The following OVCH2 variants were observed in gnomAD, a reference collection of about 807,000 sequenced individuals.
OVCH2 encodes the protein ovochymase-2.
In OVCH2, 88 loss-of-function variants were observed where a neutral mutation model predicts 73.7. The ratio of observed to expected loss-of-function variants is 1.19; its 90% CI spans 1.01 to 1.43. The LOEUF (loss-of-function observed/expected upper bound fraction) is 1.43. OVCH2 is among the 40% of genes most tolerant of loss of function. OVCH2 has a pLI of 0.00. For missense variants in OVCH2, 706 were observed against 674.5 expected (o/e 1.05, Z -0.52); for synonymous variants, 265 against 234.5 (o/e 1.13, Z -1.19).
At chr11:7,698,180 G>A (rs767032851) in intron 8 of OVCH2, among the ~76,000 whole-genome samples, 13 of 152,104 alleles carry the variant, frequency 8.5e-5, no homozygotes, top group Non-Finnish European at 1.5e-4. Flanking sequence ...GAGTTTATTT[G>A]TTTTCAGCTA....
In OVCH2 at chr11:7,696,906, A is replaced by T. The variant is rs1856347648; in HGVS notation, c.926-107T>A. Reference sequence around the variant, plus strand: ...ATAGCCTCCTGGTTCTTCTTGATGTACTCTTCGTTCTTCATGAAATCTTCT... The same window carrying T: ...ATAGCCTCCTGGTTCTTCTTGATGTTCTCTTCGTTCTTCATGAAATCTTCT... On this transcript the variant is annotated intron_variant, in intron 8 of 15. Coordinates refer to ENST00000533663, the MANE Select transcript of OVCH2 (RefSeq NM_198185.7). 10 of 1,006,300 alleles carry T rather than the reference A, an allele frequency of 9.9e-6. No homozygotes were observed. The South Asian group carries it at 1.5e-4, about 15-fold the overall frequency. 62.3% of individuals were successfully genotyped at this position (1,006,300 alleles called of 1,614,324 possible).
intron 9 of OVCH2, 33 bp from the exon 10 acceptor site, chr11:7,696,622 T>C: frequency 6.2e-7 from 1 of 1,613,982 alleles, no homozygotes; most frequent in Non-Finnish European, 8.5e-7. Context: ...GCGTTATTTC[T>C]AGACAGAAAA....
chr11:7,686,937 C>T (rs563904891), downstream of OVCH2, among the ~76,000 whole-genome samples: 3 of 152,250 alleles, frequency 2.0e-5, no homozygotes, highest in African/African-American at 7.2e-5. Context: ...AGCTGGAGAG[C>T]TCACCCAGCA....
chr11:7,700,214 C>A lies in OVCH2; in HGVS notation c.901+82G>T. The A allele has an allele frequency of 2.1e-5, 29 of 1,395,822 alleles. No individual in the cohort carries two copies. The South Asian group carries it at 3.9e-4, about 19-fold the overall frequency. 86.5% of individuals were successfully genotyped at this position (1,395,822 alleles called of 1,614,324 possible). A position where few individuals can be genotyped will look rare whatever the true frequency, so the allele number is the denominator to read the frequency against. On this transcript the variant is annotated intron_variant, in intron 7 of 15. Coordinates refer to ENST00000533663, the MANE Select transcript of OVCH2 (RefSeq NM_198185.7). ...GGTAGAGCCTGTTGGTTCAGGTGCT[C>A]TGATTTGCCAGGACTCTGCTGATGC...
intron 7 of OVCH2, 36 bp downstream of exon 7, chr11:7,700,260 T>A: frequency 6.2e-7 from 1 of 1,600,256 alleles, no homozygotes; most frequent in Non-Finnish European, 8.5e-7. Context: ...CCTAGCAGAA[T>A]GGCAGCTTCT....
chr11:7,694,912 T>C, intron 12 of OVCH2, 146 bp downstream of exon 12: 3 of 913,462 alleles, frequency 3.3e-6, no homozygotes, highest in East Asian at 2.9e-5. Context: ...CAAGTATTTA[T>C]TGACAGCTTT....
intron 13 of OVCH2, 49 bp downstream of exon 13, chr11:7,691,853 C>A: frequency 7.0e-7 from 1 of 1,423,042 alleles, no homozygotes; most frequent in African/African-American, 1.4e-5. Flanking sequence ...CATCTCAAGA[C>A]TGGGTCCAAA....
intron 11 of OVCH2, 130 bp downstream of exon 11, chr11:7,695,440 C>T (rs1856311079): frequency 4.0e-6 from 4 of 1,010,004 alleles, no homozygotes; most frequent in East Asian, 2.6e-5. Context: ...TCTAGTTGGC[C>T]TGTGCCCCTC....
At chr11:7,690,470 A>G (rs1321433615) in intron 14 of OVCH2, among the ~76,000 whole-genome samples, 2 of 150,622 alleles carry the variant, frequency 1.3e-5, no homozygotes, top group African/African-American at 2.4e-5. Context: ...GAAAAAAATG[A>G]GTCTGAGGTG....
downstream of OVCH2, among the ~76,000 whole-genome samples, chr11:7,684,686 G>T (rs576368194): frequency 6.6e-6 from 1 of 152,178 alleles, no homozygotes; most frequent in East Asian, 1.9e-4. Context: ...TAATTCTCTT[G>T]TGTGATAGGC....
At chr11:7,685,097 G>T (rs983348054), downstream of OVCH2, among the ~76,000 whole-genome samples, 1 of 152,202 alleles carries the variant, frequency 6.6e-6, no homozygotes, top group Non-Finnish European at 1.5e-5. Context: ...CAAGAAACAT[G>T]AGAGTCTTGA....
chr11:7,690,248 G>A (rs1856196100), intron 14 of OVCH2, among the ~76,000 whole-genome samples: 1 of 152,220 alleles, frequency 6.6e-6, no homozygotes, highest in Non-Finnish European at 1.5e-5. Flanking sequence ...AATTGGCTTT[G>A]TGGGGTTTGG....
chr11:7,698,752 C>G lies in OVCH2; in HGVS notation c.923G>C (p.Arg308Thr). 6.2e-7 allele frequency: 1 copy of G among 1,612,648 alleles called. No individual in the cohort carries two copies. The highest frequency in any genetic ancestry group is 8.5e-7 in the Non-Finnish European group (1 of 1,179,472). The part of the protein sequence containing the change: ...IQTGNRRKSS[R>T]AWCSEQDVIV... Reference sequence around the variant, plus strand: ...AGCAGCCTGCAAGGGATACCCACCTCTGGAGCTCTTTCTCCGATTACCTGG... The same window carrying G: ...AGCAGCCTGCAAGGGATACCCACCTGTGGAGCTCTTTCTCCGATTACCTGG... Residue 308 changes from arginine to threonine, a missense_variant and splice_region_variant, in exon 8 of 16, where the codon AGA (arginine) becomes ACA (threonine). By Grantham distance (71) the Arg-to-Thr change is moderately conservative. Transcript: ENST00000533663.
chr11:7,705,928 TCAG>T (rs1212248976), intron 1 of OVCH2, among the ~76,000 whole-genome samples: 1 of 152,180 alleles, frequency 6.6e-6, no homozygotes, highest in Non-Finnish European at 1.5e-5. Flanking sequence ...TTCATATTTC[TCAG>T]CAAGATGATT....
intron 8 of OVCH2, chr11:7,697,016 ACTCTTCTCT>A (rs2136156601): frequency 4.1e-6 from 2 of 492,730 alleles, no homozygotes; most frequent in East Asian, 6.3e-5. Context: ...TCTTTCCTTA[ACTCTTCTCT>A]CTCTTTTTAT....
intron 12 of OVCH2, among the ~76,000 whole-genome samples, chr11:7,693,288 G>T (rs1856256872): frequency 6.6e-6 from 1 of 152,224 alleles, no homozygotes; most frequent in Admixed American, 6.5e-5. Context: ...TAGGCGTGGG[G>T]AGGGGGACCT....
chr11:7,686,307 G>A (rs1856141182), downstream of OVCH2, among the ~76,000 whole-genome samples: 1 of 152,186 alleles, frequency 6.6e-6, no homozygotes, highest in Non-Finnish European at 1.5e-5. Context: ...AGGGTCATAA[G>A]ATGATTTTAT....
intron 3 of OVCH2, among the ~76,000 whole-genome samples, chr11:7,703,204 A>T (rs1436824396): frequency 6.6e-6 from 1 of 152,192 alleles, no homozygotes; most frequent in African/African-American, 2.4e-5. Flanking sequence ...ACTGTCAATA[A>T]TAGGATATTT....
chr11:7,691,787 G>A, intron 13 of OVCH2, 115 bp downstream of exon 13: 1 of 740,044 alleles, frequency 1.4e-6, no homozygotes, highest in East Asian at 2.7e-5. Flanking sequence ...ACCACAGGGA[G>A]GGGTGGAGGT....
Sources: gnomAD v4.1 joint callset for allele counts (sites outside exome capture counted in the v4.1 genomes callset) on GRCh38, gnomAD v4.1.1 for gene constraint, MANE v1.5 for transcripts, NCBI Gene and HGNC (gene_info 2026-07-23, HGNC 2026-07-21) for gene names.